ADCY3: variants seen among roughly 807,000 people sequenced by gnomAD.
ADCY3 encodes adenylate cyclase type 3.
ADCY3 carries 70 observed loss-of-function variants against 119.4 expected under a neutral mutation model. The observed-to-expected ratio is 0.59, with a 90% CI of 0.48 to 0.72. The LOEUF is 0.72. Ranked by LOEUF, ADCY3 falls within the 30% of genes least tolerant of loss-of-function variation. The probability of loss-of-function intolerance (pLI) is 0.00; values close to 1 mark genes in which losing one functional copy is unlikely to be tolerated. For missense variants in ADCY3, 1,238 were observed against 1,541.6 expected (o/e 0.80, Z 3.30); for synonymous variants, 672 against 621.4 (o/e 1.08, Z -1.21).
intron 2 of ADCY3, among the ~76,000 whole-genome samples, chr2:24,901,104 C>T (rs963804908): frequency 1.3e-5 from 2 of 152,048 alleles, no homozygotes; most frequent in African/African-American, 4.8e-5. Flanking sequence ...ATGGAAGCAG[C>T]GAGGAGGGAG....
At chr2:24,903,095 C>T (rs2149003126) in intron 2 of ADCY3, among the ~76,000 whole-genome samples, 1 of 146,836 alleles carries the variant, frequency 6.8e-6, no homozygotes, top group East Asian at 2.0e-4. Flanking sequence ...TGCAGTGAGC[C>T]AAGATCGCGC....
intron 2 of ADCY3, among the ~76,000 whole-genome samples, chr2:24,901,680 A>C (rs1467247519): frequency 6.6e-6 from 1 of 151,976 alleles, no homozygotes; most frequent in Non-Finnish European, 1.5e-5. Flanking sequence ...GGTGGTGGCT[A>C]ACACCGGTGG....
At chr2:24,848,714 C>T (rs984859105) in intron 3 of ADCY3, among the ~76,000 whole-genome samples, 1 of 152,188 alleles carries the variant, frequency 6.6e-6, no homozygotes, top group Non-Finnish European at 1.5e-5. Context: ...CCTACAGTCA[C>T]ATGATAGAAA....
At chr2:24,821,770 C>T (rs1269671926) in intron 19 of ADCY3, 130 bp from the exon 20 acceptor site, 2 of 1,394,068 alleles carry the variant, frequency 1.4e-6, no homozygotes, top group Non-Finnish European at 1.9e-6. Context: ...CTTTTCCTCC[C>T]ACAAAGGAGT....
chr2:24,834,740 C>T lies in ADCY3; in HGVS notation c.1805+54G>A, dbSNP rs1213462924. ...TTGGGATGCTCAGTTTCCTGAATCC[C>T]TTGTCAGGGCCCGGGAGGAGTGGTG... On this transcript the variant is annotated intron_variant, in intron 10 of 21. Coordinates refer to ENST00000679454, the MANE Select transcript of ADCY3 (RefSeq NM_004036.5). The surrounding 1 kb of genome is among the most constrained non-coding windows in gnomAD (Gnocchi z 4.2). The T allele has an allele frequency of 3.1e-6, 5 of 1,601,382 alleles. No homozygotes were observed. Among genetic ancestry groups the T allele is most frequent in the Admixed American group, 1.7e-5 (1 of 59,732 alleles).
intron 9 of ADCY3, among the ~76,000 whole-genome samples, chr2:24,835,712 G>A (rs1219116170): frequency 6.6e-6 from 1 of 152,090 alleles, no homozygotes; most frequent in Non-Finnish European, 1.5e-5. Context: ...GAGGTGGGTG[G>A]ATCACTTGAG....
chr2:24,830,582 C>T, intron 13 of ADCY3, 127 bp downstream of exon 13: 1 of 703,462 alleles, frequency 1.4e-6, no homozygotes, highest in South Asian at 1.8e-5. Context: ...GTTTGGGAAC[C>T]TAAGAGCCAC....
chr2:24,900,193 C>G (rs1351465799), intron 2 of ADCY3, among the ~76,000 whole-genome samples: 14 of 148,908 alleles, frequency 9.4e-5, no homozygotes, highest in African/African-American at 2.5e-4. Flanking sequence ...TCACTGCAAC[C>G]TCCGCCTCCC....
At chr2:24,826,889 A>G (rs1668700471) in intron 15 of ADCY3, among the ~76,000 whole-genome samples, 1 of 152,238 alleles carries the variant, frequency 6.6e-6, no homozygotes, top group African/African-American at 2.4e-5. Context: ...TACTCCCACC[A>G]GGAGTGTAAG....
chr2:24,872,857 GC>G lies in ADCY3; in HGVS notation c.676-139del. The G allele has an allele frequency of 2.0e-6, 2 of 982,460 alleles. No homozygotes were observed. The highest frequency in any genetic ancestry group is 3.0e-6 in the Non-Finnish European group (2 of 667,772). 60.9% of individuals were successfully genotyped at this position (982,460 alleles called of 1,614,324 possible). A position where few individuals can be genotyped will look rare whatever the true frequency, so the allele number is the denominator to read the frequency against. ...CAAGTTGCCCAATGTCCAGGGAGGGGCCCAGCACAGCCTTGGACCCCAGAGC... is the reference window on the plus strand; with the variant it reads ...CAAGTTGCCCAATGTCCAGGGAGGGGCCAGCACAGCCTTGGACCCCAGAGC... On this transcript the variant is annotated intron_variant, in intron 2 of 21. Transcript: ENST00000679454. The surrounding 1 kb of genome is among the most constrained non-coding windows in gnomAD (Gnocchi z 4.4).
intron 11 of ADCY3, among the ~76,000 whole-genome samples, chr2:24,832,397 G>A (rs1347351335): frequency 1.3e-5 from 2 of 152,066 alleles, no homozygotes; most frequent in Non-Finnish European, 2.9e-5. Flanking sequence ...TCACTCCCTC[G>A]CTGCCGGGGG....
chr2:24,826,152 A>T, intron 15 of ADCY3, 26 bp from the exon 16 acceptor site: 1 of 1,607,004 alleles, frequency 6.2e-7, no homozygotes. Context: ...TGTGCAACTG[A>T]AAGGGCTGTC....
chr2:24,918,565 G>C lies in ADCY3; in HGVS notation c.423C>G (p.Tyr141Ter). The change falls in exon 2 of 22, where the codon TAC (tyrosine) becomes TAG (stop). Residue 141 changes from tyrosine (Y) to a stop codon, truncating the protein, a stop_gained. Coordinates refer to ENST00000679454, the MANE Select transcript of ADCY3 (RefSeq NM_004036.5). LOFTEE classifies it high-confidence loss of function. This position sits in a 1 kb window ranked among gnomAD's most constrained non-coding sequence, Gnocchi z 5.4. ...PDRVTRRVLP[Y>*]VLWLLITAQI... ...GGGCGGTTATGAGCAGCCACAGCAC[G>C]TAGGGCAGCACTCTGCGGGTGACCC... 1 of 1,614,080 alleles carries C rather than the reference G, an allele frequency of 6.2e-7. No homozygotes were observed. Among genetic ancestry groups the C allele is most frequent in the Non-Finnish European group, 8.5e-7 (1 of 1,180,020 alleles).
chr2:24,834,410 G>T lies in ADCY3; in HGVS notation c.1967+75C>A. The T allele has an allele frequency of 1.5e-6, 2 of 1,333,286 alleles. No individual in the cohort carries two copies. Among genetic ancestry groups the T allele is most frequent in the Non-Finnish European group, 1.0e-6 (1 of 969,730 alleles). The allele number at this position is 1,333,286 out of a possible 1,614,324, so 82.6% of individuals were successfully genotyped here. ...CTCCCCAATGTCAGGCTCCCGCTGA[G>T]ACACCTGCCCCCGCCCCCCGCCCGG... On this transcript the variant is annotated intron_variant, in intron 11 of 21. Coordinates refer to ENST00000679454, the MANE Select transcript of ADCY3 (RefSeq NM_004036.5). This position sits in a 1 kb window ranked among gnomAD's most constrained non-coding sequence, Gnocchi z 4.2.
At chr2:24,838,941 ATTTTTTTTT>A in intron 7 of ADCY3, 1 of 1,138,108 alleles carries the variant, frequency 8.8e-7, no homozygotes. Flanking sequence ...GCGATAAGGA[ATTTTTTTTT>A]TTTTTTTTTT....
rs945015831 is a variant in ADCY3 at position 24,827,696 on chromosome 2, A to G, written c.2433-88T>C. Reference sequence around the variant, plus strand: ...GGCACCGGGGTATCCCAAGTCCTCCACTCGGGGAGAATGGGAAGAATCTAT... The same window carrying G: ...GGCACCGGGGTATCCCAAGTCCTCCGCTCGGGGAGAATGGGAAGAATCTAT... On this transcript the variant is annotated intron_variant, in intron 14 of 21. Transcript: ENST00000679454. The G allele has an allele frequency of 4.4e-5, 64 of 1,459,396 alleles. No homozygotes were observed. In the African/African-American group the frequency reaches 8.4e-4, roughly 19 times the overall value. 90.4% of individuals were successfully genotyped at this position (1,459,396 alleles called of 1,614,324 possible).
At chr2:24,849,365 T>A (rs1016330775) in intron 3 of ADCY3, among the ~76,000 whole-genome samples, 1 of 152,098 alleles carries the variant, frequency 6.6e-6, no homozygotes, top group East Asian at 1.9e-4. Context: ...AGAACAAAAG[T>A]AGCGGCAGAG....
chr2:24,896,651 A>G (rs1678323638), intron 2 of ADCY3, among the ~76,000 whole-genome samples: 1 of 151,746 alleles, frequency 6.6e-6, no homozygotes, highest in Non-Finnish European at 1.5e-5. Flanking sequence ...CTCCCTCTGC[A>G]GTTGTTCTCT....
At position 24,831,652 on chromosome 2, in the gene ADCY3, T is replaced by C; in HGVS notation, c.2055+10A>G. 6.2e-7 allele frequency: 1 copy of C among 1,611,692 alleles called. No individual in the cohort carries two copies. Among genetic ancestry groups the C allele is most frequent in the Non-Finnish European group, 8.5e-7 (1 of 1,178,088 alleles). Reference sequence around the variant, plus strand: ...GAGGCTTCTGAGCTCAGTAGAAAAGTGCCTCTTACCCGGGGAAAGATGGCA... The same window carrying C: ...GAGGCTTCTGAGCTCAGTAGAAAAGCGCCTCTTACCCGGGGAAAGATGGCA... On this transcript the variant is annotated intron_variant, in intron 12 of 21. Coordinates refer to ENST00000679454, the MANE Select transcript of ADCY3 (RefSeq NM_004036.5).
Sources: allele counts gnomAD v4.1 joint callset (sites outside exome capture counted in the v4.1 genomes callset), GRCh38; gene constraint gnomAD v4.1.1; non-coding constraint Gnocchi (gnomAD v3.1); transcripts MANE v1.5; gene names NCBI Gene and HGNC (gene_info 2026-07-23, HGNC 2026-07-21).